P3H2: variants seen among roughly 807,000 people sequenced by gnomAD.
The protein encoded by P3H2 is leprecan-like 1.
In P3H2, 80 loss-of-function variants were observed where a neutral mutation model predicts 87.0. The ratio of observed to expected loss-of-function variants is 0.92; its 90% CI spans 0.77 to 1.11. The LOEUF is 1.11. Ranked by LOEUF, P3H2 falls within the 50% of genes least tolerant of loss-of-function variation. The pLI, the probability that P3H2 is intolerant of heterozygous loss-of-function variation, is 0.00. For missense variants in P3H2, 1,001 were observed against 923.9 expected (o/e 1.08, Z -1.08); for synonymous variants, 367 against 359.3 (o/e 1.02, Z -0.24).
intron 1 of P3H2, among the ~76,000 whole-genome samples, chr3:190,095,444 A>T (rs191492887): frequency 1.7e-4 from 26 of 149,024 alleles, no homozygotes; most frequent in African/African-American, 5.2e-4. Context: ...CTGCAATGTA[A>T]GCAAACCAAA....
intron 14 of P3H2, among the ~76,000 whole-genome samples, chr3:189,961,010 G>A (rs927216601): frequency 3.3e-5 from 5 of 150,984 alleles, no homozygotes; most frequent in Non-Finnish European, 5.9e-5. Context: ...GTGCGATCTC[G>A]GGTTACAGCA....
At chr3:189,968,064 G>A (rs1349502991) in intron 13 of P3H2, among the ~76,000 whole-genome samples, 2 of 152,142 alleles carry the variant, frequency 1.3e-5, no homozygotes, top group Non-Finnish European at 2.9e-5. Flanking sequence ...TTGTATGGTG[G>A]TGAGAGATAC....
intron 12 of P3H2, 48 bp from the exon 13 acceptor site, chr3:189,970,939 A>G (rs986533716): frequency 1.9e-6 from 2 of 1,059,040 alleles, no homozygotes; most frequent in Non-Finnish European, 3.0e-6. Context: ...TGCTTATGAG[A>G]GCATGGTCAT....
chr3:190,080,758 G>A (rs1247679859), intron 1 of P3H2, among the ~76,000 whole-genome samples: 1 of 151,970 alleles, frequency 6.6e-6, no homozygotes, highest in Admixed American at 6.6e-5. Flanking sequence ...AATTTGAGAG[G>A]CAAACCATAA....
Position 190,054,907 on chromosome 3 carries a change from A to C in P3H2, c.481-59465T>G, listed in dbSNP as rs567797422. On this transcript the variant is annotated intron_variant, in intron 1 of 14. Transcript: ENST00000319332. ...CCATCTGTAACAGCTCTTCTCTTTC[A>C]ATATCCCTCTTAAATGCCCCCAAAC... Among the ~76,000 whole-genome samples the C allele has an allele frequency of 3.3e-5, 5 of 152,130 alleles. No individual in the cohort carries two copies. The South Asian group carries it at 8.3e-4, about 25-fold the overall frequency.
intron 13 of P3H2, chr3:189,969,749 A>G (rs1201433973): frequency 6.3e-7 from 1 of 1,594,100 alleles, no homozygotes; most frequent in Non-Finnish European, 8.6e-7. Context: ...TGGCTTGCCA[A>G]ATGGAGTATC....
At chr3:190,096,073 A>G (rs1486666273) in intron 1 of P3H2, among the ~76,000 whole-genome samples, 1 of 152,240 alleles carries the variant, frequency 6.6e-6, no homozygotes, top group African/African-American at 2.4e-5. Context: ...GGAATGAAAT[A>G]CAACACTGCA....
intron 12 of P3H2, chr3:189,971,556 T>C (rs1723178908): frequency 2.9e-6 from 1 of 345,086 alleles, no homozygotes; most frequent in Non-Finnish European, 5.6e-6. Context: ...AGGCCAAGAC[T>C]CCATGCCCTT....
chr3:190,115,067 A>T (rs1052174929), intron 1 of P3H2, among the ~76,000 whole-genome samples: 2 of 152,206 alleles, frequency 1.3e-5, no homozygotes, highest in African/African-American at 4.8e-5. Flanking sequence ...AGGAACCACT[A>T]ATCAAATAGA....
At chr3:190,024,530 C>CAA (rs71635314) in intron 1 of P3H2, among the ~76,000 whole-genome samples, 1,380 of 51,724 alleles carry the variant, frequency 0.027, 86 homozygotes, top group East Asian at 0.22. Context: ...GGTTCCCTCT[C>CAA]AAAAAAAAAA....
chr3:190,051,856 G>C (rs573180517), intron 1 of P3H2, among the ~76,000 whole-genome samples: 1 of 152,126 alleles, frequency 6.6e-6, no homozygotes, highest in Non-Finnish European at 1.5e-5. Context: ...TGTGGAGGAG[G>C]ATGGAAAATT....
intron 10 of P3H2, among the ~76,000 whole-genome samples, chr3:189,973,557 C>T (rs1323336757): frequency 2.3e-5 from 3 of 130,438 alleles, no homozygotes; most frequent in Admixed American, 1.8e-4. Flanking sequence ...GTCTCGCTCT[C>T]GCCCAGGCCA....
In P3H2 at chr3:190,120,656, G is replaced by A; in HGVS notation, c.76C>T (p.Pro26Ser). ...AGCTCCCGGCGTGGGCTGTCCGGGG[G>A]GCCGCCCCACAGTGGCGGCGGCAGT... is the stretch of plus-strand genomic sequence containing the variant. ...LLLPPPLWGG[P>S]PDSPRRELEL... The change falls in exon 1 of 15, where the codon CCC becomes TCC. Residue 26 changes from proline to serine, a missense_variant. Pro to Ser is a moderately conservative substitution (Grantham distance 74, BLOSUM62 -1). Transcript: ENST00000319332. 4 of 1,524,894 alleles carry A rather than the reference G, an allele frequency of 2.6e-6. No individual in the cohort carries two copies. The highest frequency in any genetic ancestry group is 1.2e-5 in the South Asian group (1 of 82,460). The allele number at this position is 1,524,894 out of a possible 1,614,324, so 94.5% of individuals were successfully genotyped here. A position where few individuals can be genotyped will look rare whatever the true frequency, so the allele number is the denominator to read the frequency against.
chr3:189,970,479 G>C (rs191085695), intron 13 of P3H2, among the ~76,000 whole-genome samples: 1 of 151,526 alleles, frequency 6.6e-6, no homozygotes, highest in East Asian at 2.0e-4. Context: ...TTCTAGACTT[G>C]GGTGACTTAG....
intron 1 of P3H2, among the ~76,000 whole-genome samples, chr3:190,119,934 T>G (rs1405431463): frequency 2.0e-5 from 3 of 151,656 alleles, no homozygotes; most frequent in Non-Finnish European, 4.4e-5. Context: ...AGGGAGAAGA[T>G]AAATTGTACT....
chr3:190,066,476 G>C (rs899447803), intron 1 of P3H2, among the ~76,000 whole-genome samples: 2 of 151,694 alleles, frequency 1.3e-5, no homozygotes, highest in Non-Finnish European at 2.9e-5. Context: ...TAAACTTCAG[G>C]GACTCAGGGG....
rs753180414 is a variant in P3H2 at position 189,973,887 on chromosome 3, C to G, written c.1548+22G>C. 15 of 1,584,894 alleles carry G rather than the reference C, an allele frequency of 9.5e-6. No homozygotes were observed. The East Asian group carries it at 3.1e-4, about 33-fold the overall frequency. Reference sequence around the variant, plus strand: ...TAGGCTGACACTAAGGAACTCAAACCCAAAAGAAGTTAAGACTTTACTTTG... The same window carrying G: ...TAGGCTGACACTAAGGAACTCAAACGCAAAAGAAGTTAAGACTTTACTTTG... On this transcript the variant is annotated intron_variant, in intron 10 of 14. Coordinates refer to ENST00000319332, the MANE Select transcript of P3H2 (RefSeq NM_018192.4).
At chr3:189,979,965 T>C (rs1252551884) in intron 8 of P3H2, among the ~76,000 whole-genome samples, 1 of 151,108 alleles carries the variant, frequency 6.6e-6, no homozygotes, top group African/African-American at 2.4e-5. Context: ...GAGACTCTTG[T>C]CTCAAAAAAT....
intron 1 of P3H2, among the ~76,000 whole-genome samples, chr3:190,093,402 T>C (rs946236307): frequency 2.6e-5 from 4 of 152,100 alleles, no homozygotes; most frequent in African/African-American, 4.8e-5. Flanking sequence ...TGGGGGTTGG[T>C]CTGGAGAGAA....
Sources: gnomAD v4.1 joint callset for allele counts (sites outside exome capture counted in the v4.1 genomes callset) on GRCh38, gnomAD v4.1.1 for gene constraint, MANE v1.5 for transcripts, NCBI Gene and HGNC (gene_info 2026-07-23, HGNC 2026-07-21) for gene names.